DIS3L: variants seen among roughly 807,000 people sequenced by gnomAD.
The protein encoded by DIS3L is DIS3 like exosome 3'-5' exoribonuclease.
A neutral mutation model predicts 120.3 loss-of-function variants in DIS3L; 100 were observed. The ratio of observed to expected loss-of-function variants is 0.83; its 90% CI spans 0.71 to 0.98. The LOEUF (loss-of-function observed/expected upper bound fraction) is 0.98. DIS3L is among the 50% of genes least tolerant of loss of function. The pLI, the probability that DIS3L is intolerant of heterozygous loss-of-function variation, is 0.00. For missense variants in DIS3L, 1,196 were observed against 1,314.2 expected (o/e 0.91, Z 1.39); for synonymous variants, 426 against 470.6 (o/e 0.91, Z 1.23).
At chr15:66,313,883 GTGTGTA>G (rs2092790829) in intron 5 of DIS3L, among the ~76,000 whole-genome samples, 150 bp from the exon 6 acceptor site, 1 of 142,872 alleles carries the variant, frequency 7.0e-6, no homozygotes, top group African/African-American at 2.5e-5. Flanking sequence ...ATATATATGT[GTGTGTA>G]TATATATATA....
In DIS3L at chr15:66,320,744, C is replaced by G. The variant is rs747751795; in HGVS notation, c.1326+12C>G. 1 of 1,608,964 alleles carries G rather than the reference C, an allele frequency of 6.2e-7. No homozygotes were observed. Among genetic ancestry groups the G allele is most frequent in the South Asian group, 1.1e-5 (1 of 89,812 alleles). ...TCTCAGAAGCTCAGGTCAGATTTTCCAGAAGGCTTTGATCTAGTGACATTT... is the reference window on the plus strand; with the variant it reads ...TCTCAGAAGCTCAGGTCAGATTTTCGAGAAGGCTTTGATCTAGTGACATTT... On this transcript the variant is annotated intron_variant, in intron 9 of 16. Transcript: ENST00000319212.
intron 2 of DIS3L, among the ~76,000 whole-genome samples, chr15:66,300,941 G>A (rs1203391437): frequency 6.6e-6 from 1 of 152,252 alleles, no homozygotes; most frequent in Non-Finnish European, 1.5e-5. Flanking sequence ...GGAAAACTCA[G>A]TGGTGTCTGA....
At chr15:66,295,250 C>T in intron 2 of DIS3L, 109 bp downstream of exon 2, 1 of 1,051,988 alleles carries the variant, frequency 9.5e-7, no homozygotes, top group Non-Finnish European at 1.4e-6. Flanking sequence ...TCAGAAGGGA[C>T]TTTTAAAACT....
intron 5 of DIS3L, 99 bp from the exon 6 acceptor site, chr15:66,313,940 T>C: frequency 1.2e-6 from 1 of 855,956 alleles, no homozygotes; most frequent in East Asian, 2.9e-5. Context: ...AAGAATATTA[T>C]GGGGATGTTT....
chr15:66,304,322 G>A (rs2092680867), intron 2 of DIS3L, among the ~76,000 whole-genome samples: 1 of 151,690 alleles, frequency 6.6e-6, no homozygotes, highest in Non-Finnish European at 1.5e-5. Flanking sequence ...GCATAGTGGG[G>A]TGTGCCTGTA....
intron 2 of DIS3L, among the ~76,000 whole-genome samples, chr15:66,304,363 G>A (rs2092681372): frequency 6.6e-6 from 1 of 151,968 alleles, no homozygotes. Context: ...TGAGGTGGGA[G>A]GATCATCTGA....
chr15:66,329,354 C>G lies in DIS3L; in HGVS notation c.2490C>G (p.Asn830Lys), dbSNP rs1444834795. 12 of 1,612,814 alleles carry G rather than the reference C, an allele frequency of 7.4e-6. No individual in the cohort carries two copies. Among genetic ancestry groups the G allele is most frequent in the Non-Finnish European group, 1.0e-5 (12 of 1,179,780 alleles). ...KMEIKGNLFS[N>K]KDLEELCRHI... The stretch of plus-strand genomic sequence containing the variant: ...AAATTAAGGGAAATCTGTTCAGCAA[C>G]AAAGATCTTGAGGAATTATGCAGAC... Residue 830 changes from asparagine (N) to lysine (K), a missense_variant, in exon 14 of 17, where the codon AAC (asparagine) becomes AAG (lysine). Transcript: ENST00000319212.
Position 66,314,079 on chromosome 15 carries a change from C to G in DIS3L, c.776C>G (p.Ala259Gly). The G allele has an allele frequency of 6.5e-7, 1 of 1,530,432 alleles. No individual in the cohort carries two copies. The highest frequency in any genetic ancestry group is 8.7e-7 in the Non-Finnish European group (1 of 1,145,384). The allele number at this position is 1,530,432 out of a possible 1,614,324, so 94.8% of individuals were successfully genotyped here. The change falls in exon 6 of 17, where the codon GCT (alanine) becomes GGT (glycine). Residue 259 changes from alanine (A) to glycine (G), a missense_variant. By Grantham distance (60) the Ala-to-Gly change is moderately conservative. Coordinates refer to ENST00000319212, the MANE Select transcript of DIS3L (RefSeq NM_001143688.3). ...NVNKHRAQIE[A>G]FVRLQGASSK... ...AACAAACACAGAGCCCAAATAGAAGCTTTTGTTCGACTTCAAGGAGCCAGC... is the reference window on the plus strand; with the variant it reads ...AACAAACACAGAGCCCAAATAGAAGGTTTTGTTCGACTTCAAGGAGCCAGC...
At position 66,322,564 on chromosome 15, in the gene DIS3L, G is replaced by A. The variant is rs2092895918; in HGVS notation, c.1327-123G>A. On this transcript the variant is annotated intron_variant, in intron 9 of 16. Coordinates refer to ENST00000319212, the MANE Select transcript of DIS3L (RefSeq NM_001143688.3). ...TATTGATCAAAGGAAGCCAACATAG[G>A]TTGATGAAGAAGGTAATTGAGAATG... The A allele has an allele frequency of 2.8e-6, 4 of 1,446,292 alleles. No homozygotes were observed. In the African/African-American group the frequency reaches 4.2e-5, roughly 15 times the overall value. 89.6% of individuals were successfully genotyped at this position (1,446,292 alleles called of 1,614,324 possible).
chr15:66,325,712 G>T, intron 11 of DIS3L, 119 bp from the exon 12 acceptor site: 1 of 1,180,566 alleles, frequency 8.5e-7, no homozygotes, highest in South Asian at 1.5e-5. Flanking sequence ...AGTGAGCAGT[G>T]ATCATGCCAT....
intron 3 of DIS3L, among the ~76,000 whole-genome samples, chr15:66,308,240 C>T (rs1440188621): frequency 2.0e-5 from 3 of 152,166 alleles, no homozygotes; most frequent in Non-Finnish European, 2.9e-5. Flanking sequence ...TTCCCAGTTC[C>T]GGTTCTTTTT....
At chr15:66,313,169 T>C (rs1055164625) in intron 5 of DIS3L, among the ~76,000 whole-genome samples, 1 of 151,896 alleles carries the variant, frequency 6.6e-6, no homozygotes, top group African/African-American at 2.4e-5. Flanking sequence ...CTAATTTTTG[T>C]ATTTTTAGTA....
At chr15:66,313,019 C>T (rs2092777773) in intron 5 of DIS3L, among the ~76,000 whole-genome samples, 1 of 151,490 alleles carries the variant, frequency 6.6e-6, no homozygotes, top group Non-Finnish European at 1.5e-5. Context: ...TTTTTTGAGA[C>T]CCAGTCTCGT....
intron 15 of DIS3L, 37 bp from the exon 16 acceptor site, chr15:66,332,699 A>G (rs1380097486): frequency 7.7e-6 from 12 of 1,554,082 alleles, no homozygotes; most frequent in African/African-American, 1.4e-5. Context: ...TACTAAGAAT[A>G]CATTGTCTCT....
chr15:66,299,173 G>A (rs1046602951), intron 2 of DIS3L, among the ~76,000 whole-genome samples: 1 of 152,222 alleles, frequency 6.6e-6, no homozygotes, highest in African/African-American at 2.4e-5. Flanking sequence ...GAATGCCTGG[G>A]TGGGATGGAA....
At chr15:66,293,915 G>A (rs2092553274) in intron 1 of DIS3L, 180 bp downstream of exon 1, 1 of 999,728 alleles carries the variant, frequency 1.0e-6, no homozygotes, top group South Asian at 4.7e-5. Context: ...CCAGCGGCCC[G>A]GGTCCGCGGC....
intron 7 of DIS3L, among the ~76,000 whole-genome samples, chr15:66,317,629 G>A (rs957992432): frequency 1.3e-5 from 2 of 152,022 alleles, no homozygotes; most frequent in Non-Finnish European, 2.9e-5. Flanking sequence ...GGGACAAGTG[G>A]ATTCTAAATG....
chr15:66,332,718 A>G lies in DIS3L; in HGVS notation c.2682-18A>G. On this transcript the variant is annotated intron_variant, in intron 15 of 16. Transcript: ENST00000319212. ...AAGAATACATTGTCTCTGGATTTAT[A>G]TTCTGGTCATAATATAGGTTTGGGA... 1 of 1,594,156 alleles carries G rather than the reference A, an allele frequency of 6.3e-7. No individual in the cohort carries two copies. The highest frequency in any genetic ancestry group is 8.6e-7 in the Non-Finnish European group (1 of 1,168,998).
At position 66,311,115 on chromosome 15, in the gene DIS3L, G is replaced by C. The variant is rs575403174; in HGVS notation, c.559-609G>C. ...TACTGCTGGGCACAGTGTAATCCCA[G>C]CACTGTGGGTGGCCAGGGCAGGAGG... On this transcript the variant is annotated intron_variant, in intron 4 of 16. Coordinates refer to ENST00000319212, the MANE Select transcript of DIS3L (RefSeq NM_001143688.3). 2.7e-3 allele frequency among the ~76,000 whole-genome samples: 411 copies of C among 150,366 alleles called. 4 individuals carry two copies. Among genetic ancestry groups the C allele is most frequent in the African/African-American group, 9.9e-3 (403 of 40,868 alleles).
Sources: allele counts gnomAD v4.1 joint callset (sites outside exome capture counted in the v4.1 genomes callset), GRCh38; gene constraint gnomAD v4.1.1; transcripts MANE v1.5; gene names NCBI Gene and HGNC (gene_info 2026-07-23, HGNC 2026-07-21).